Variants in GTSF1 observed in about 807,000 individuals in gnomAD.
GTSF1 encodes gametocyte-specific factor 1.
GTSF1 carries 11 observed loss-of-function variants against 28.9 expected under a neutral mutation model. That is an observed-to-expected ratio of 0.38 (90% CI 0.24 to 0.63). The LOEUF is 0.63. GTSF1 is among the 30% of genes least tolerant of loss of function. The pLI, the probability that GTSF1 is intolerant of heterozygous loss-of-function variation, is 0.56. For synonymous variants in GTSF1, 69 were observed against 65.6 expected (o/e 1.05, Z -0.25); for missense variants, 146 against 201.0 (o/e 0.73, Z 1.66).
At chr12:54,459,331 A>G in intron 7 of GTSF1, 2 of 1,442,244 alleles carry the variant, frequency 1.4e-6, no homozygotes, top group South Asian at 2.7e-5. Context: ...TTGACATATA[A>G]TTTGGTGACT....
At chr12:54,462,035 C>T in intron 6 of GTSF1, 74 bp downstream of exon 6, 1 of 1,075,096 alleles carries the variant, frequency 9.3e-7, no homozygotes, top group Non-Finnish European at 1.4e-6. Context: ...TCAATTCATG[C>T]TCCGGTGGCT....
At position 54,463,211 on chromosome 12, in the gene GTSF1, G is replaced by A. The variant is rs1956452371; in HGVS notation, c.204C>T (p.Ile68=). Residue 68 remains isoleucine (I), a synonymous_variant, in exon 4 of 9, where the codon ATC becomes ATT. Coordinates refer to ENST00000305879, the MANE Select transcript of GTSF1 (RefSeq NM_144594.3). ...TACAACTTCTGTCATCACAGCTTGA[G>A]ATATGATGACTAATTTCAGCTCGAG... is the stretch of plus-strand genomic sequence containing the variant. ...QVPRAEISHH[I]SSCDDRSCIE... 3.1e-6 allele frequency: 5 copies of A among 1,613,844 alleles called. No individual in the cohort carries two copies. The East Asian group carries it at 6.7e-5, about 22-fold the overall frequency.
At chr12:54,469,288 A>G (rs1269072657) in intron 2 of GTSF1, among the ~76,000 whole-genome samples, 1 of 152,118 alleles carries the variant, frequency 6.6e-6, no homozygotes, top group Non-Finnish European at 1.5e-5. Flanking sequence ...TATGTTGGGC[A>G]GGATGGTCTT....
At chr12:54,457,218 T>G (rs1956346441) in intron 8 of GTSF1, among the ~76,000 whole-genome samples, 1 of 152,132 alleles carries the variant, frequency 6.6e-6, no homozygotes, top group African/African-American at 2.4e-5. Context: ...CACAGAAAAA[T>G]AAATTTTTAG....
chr12:54,471,977 A>C (rs1183974587), intron 1 of GTSF1: 1 of 152,338 alleles, frequency 6.6e-6, no homozygotes, highest in Non-Finnish European at 1.5e-5. Context: ...CAGGCAGATC[A>C]CTTAAGTCCA....
chr12:54,460,527 AC>A, intron 6 of GTSF1, 56 bp from the exon 7 acceptor site: 1 of 1,123,430 alleles, frequency 8.9e-7, no homozygotes, highest in Non-Finnish European at 1.3e-6. Context: ...AAGCAGGCAC[AC>A]GTAAGATAAT....
rs143475579 is a variant in GTSF1 at position 54,460,719 on chromosome 12, T to A, written c.393-248A>T. Among the ~76,000 whole-genome samples, 321 of 152,300 alleles carry A rather than the reference T, an allele frequency of 2.1e-3. 2 individuals are homozygous for A. The highest frequency in any genetic ancestry group is 7.5e-3 in the African/African-American group (310 of 41,566). ...CATTTTCATTTTCTAGAAATTGAGA[T>A]AAACAGCAATGCCATCTACTGTTCA... On this transcript the variant is annotated intron_variant, in intron 6 of 8. Coordinates refer to ENST00000305879, the MANE Select transcript of GTSF1 (RefSeq NM_144594.3).
At chr12:54,471,900 CA>C (rs1265889876) in intron 1 of GTSF1, 3 of 153,186 alleles carry the variant, frequency 2.0e-5, no homozygotes, top group South Asian at 2.1e-4. Context: ...AACAAACAAA[CA>C]AAAAAACAAA....
In GTSF1 at chr12:54,470,798, T is replaced by C. The variant is rs1055584621; in HGVS notation, c.16+435A>G. 2.0e-5 allele frequency among the ~76,000 whole-genome samples: 3 copies of C among 152,358 alleles called. No individual in the cohort carries two copies. In the South Asian group the frequency reaches 6.2e-4, roughly 32 times the overall value. On this transcript the variant is annotated intron_variant, in intron 2 of 8. Coordinates refer to ENST00000305879, the MANE Select transcript of GTSF1 (RefSeq NM_144594.3). Reference sequence around the variant, plus strand: ...CAAGTCCCTTTTGGTTCTACACTTGTATGATTCTAGGTGCTGGCTCTGCTT... The same window carrying C: ...CAAGTCCCTTTTGGTTCTACACTTGCATGATTCTAGGTGCTGGCTCTGCTT...
chr12:54,470,648 G>T (rs1274082463), intron 2 of GTSF1, among the ~76,000 whole-genome samples: 1 of 152,228 alleles, frequency 6.6e-6, no homozygotes, highest in East Asian at 1.9e-4. Context: ...AGCCTGTGGT[G>T]TCATGTAGGG....
chr12:54,457,411 C>T (rs1956350256), intron 8 of GTSF1, among the ~76,000 whole-genome samples: 1 of 152,194 alleles, frequency 6.6e-6, no homozygotes, highest in African/African-American at 2.4e-5. Flanking sequence ...ATTCAAAATT[C>T]ACCATTTATC....
chr12:54,468,627 G>T (rs2120793454), intron 2 of GTSF1, among the ~76,000 whole-genome samples: 1 of 152,292 alleles, frequency 6.6e-6, no homozygotes, highest in South Asian at 2.1e-4. Flanking sequence ...GATTTGGGTA[G>T]GGACCAGAAC....
At chr12:54,470,622 TCAGAGCCTAGAA>T (rs1436020261) in intron 2 of GTSF1, among the ~76,000 whole-genome samples, 1 of 152,176 alleles carries the variant, frequency 6.6e-6, no homozygotes. Context: ...TCAAATTTAG[TCAGAGCCTAGAA>T]CAGAGCCTGT....
intron 7 of GTSF1, chr12:54,459,358 G>A: frequency 7.0e-7 from 1 of 1,418,650 alleles, no homozygotes; most frequent in Non-Finnish European, 9.2e-7. Flanking sequence ...TTTGGGAAAT[G>A]CAAGTATCCA....
chr12:54,465,702 A>C (rs1359881331), intron 2 of GTSF1, among the ~76,000 whole-genome samples: 1 of 152,168 alleles, frequency 6.6e-6, no homozygotes, highest in African/African-American at 2.4e-5. Context: ...TGAAGATACT[A>C]GTAATAGCAT....
At chr12:54,467,510 T>G (rs1449647572) in intron 2 of GTSF1, among the ~76,000 whole-genome samples, 1 of 152,016 alleles carries the variant, frequency 6.6e-6, no homozygotes, top group African/African-American at 2.4e-5. Flanking sequence ...AGACGGGGTT[T>G]CATCATGTTG....
At chr12:54,465,717 A>G (rs1248456436) in intron 2 of GTSF1, among the ~76,000 whole-genome samples, 1 of 152,072 alleles carries the variant, frequency 6.6e-6, no homozygotes, top group Non-Finnish European at 1.5e-5. Context: ...TAGCATCTTC[A>G]TCTATTACTA....
chr12:54,462,691 C>T lies in GTSF1; in HGVS notation c.279G>A (p.Leu93=), dbSNP rs373409673. The T allele has an allele frequency of 5.0e-6, 8 of 1,614,002 alleles. No individual in the cohort carries two copies. The highest frequency in any genetic ancestry group is 5.9e-6 in the Non-Finnish European group (7 of 1,179,994). The change falls in exon 5 of 9, where the codon CTG becomes CTA. Residue 93 remains leucine, a synonymous_variant. Coordinates refer to ENST00000305879, the MANE Select transcript of GTSF1 (RefSeq NM_144594.3). ...NQTRSLRQET[L]AESTWQCPPC... is the part of the protein sequence containing the mutation. ...GAGGGCACTGCCAAGTGCTCTCAGC[C>T]AGAGTCTCTTGTCTAAGGCTCCTGG...
At chr12:54,473,231 G>A (rs993516464) in intron 1 of GTSF1, among the ~76,000 whole-genome samples, 5 of 151,784 alleles carry the variant, frequency 3.3e-5, no homozygotes, top group Non-Finnish European at 5.9e-5. Context: ...ACAGAATTCC[G>A]GCCTTAGTAA....
Sources: gnomAD v4.1 joint callset for allele counts (sites outside exome capture counted in the v4.1 genomes callset) on GRCh38, gnomAD v4.1.1 for gene constraint, MANE v1.5 for transcripts, NCBI Gene and HGNC (gene_info 2026-07-23, HGNC 2026-07-21) for gene names.